The following ARID1B variants were observed in gnomAD, a reference collection of about 807,000 sequenced individuals.
ARID1B encodes the protein AT-rich interactive domain-containing protein 1B.
Under a neutral mutation model 212.3 loss-of-function variants are expected in ARID1B, and 30 were observed. That is an observed-to-expected ratio of 0.14 (90% CI 0.11 to 0.19). The LOEUF (loss-of-function observed/expected upper bound fraction) is 0.19, where lower values mean the gene tolerates loss of function less well. Among genes scored for constraint, ARID1B ranks in the 10% least tolerant of loss-of-function variants. The pLI is 1.00. For synonymous variants in ARID1B, 1,402 were observed against 1,301.7 expected (o/e 1.08, Z -1.66); for missense variants, 2,891 against 3,204.0 (o/e 0.90, Z 2.36).
At chr6:157,193,908 G>A (rs1793551945) in intron 15 of ARID1B, 1 of 152,198 alleles carries the variant, frequency 6.6e-6, no homozygotes, top group Non-Finnish European at 1.5e-5. Flanking sequence ...AGCAGGTAAA[G>A]CAGGTATTGG....
At chr6:156,924,964 C>T (rs1791102401) in intron 3 of ARID1B, among the ~76,000 whole-genome samples, 1 of 152,116 alleles carries the variant, frequency 6.6e-6, no homozygotes. Context: ...TAATTTTAGG[C>T]AACCATGTGG....
At chr6:157,037,620 T>C (rs1226536388) in intron 4 of ARID1B, among the ~76,000 whole-genome samples, 2 of 152,226 alleles carry the variant, frequency 1.3e-5, no homozygotes, top group Non-Finnish European at 2.9e-5. Flanking sequence ...GATCTGAGAC[T>C]GGAGAGGTTA....
chr6:157,114,462 T>C (rs1254948009), intron 6 of ARID1B, among the ~76,000 whole-genome samples: 3 of 139,874 alleles, frequency 2.1e-5, no homozygotes, highest in African/African-American at 8.3e-5. Context: ...AGGCGGACGT[T>C]GCCGTGAGCT....
At chr6:157,081,524 AC>A (rs1784630971) in intron 4 of ARID1B, among the ~76,000 whole-genome samples, 1 of 152,198 alleles carries the variant, frequency 6.6e-6, no homozygotes, top group Non-Finnish European at 1.5e-5. Flanking sequence ...TCTTTTTATT[AC>A]TCTTCTGTTA....
intron 3 of ARID1B, among the ~76,000 whole-genome samples, chr6:156,921,163 A>G (rs1435416507): frequency 3.3e-5 from 5 of 152,114 alleles, no homozygotes. Context: ...GGATGAATAT[A>G]TTAGTCACCT....
chr6:157,068,764 A>T (rs969297030), intron 4 of ARID1B, among the ~76,000 whole-genome samples: 1 of 152,208 alleles, frequency 6.6e-6, no homozygotes, highest in East Asian at 1.9e-4. Flanking sequence ...ACACGTGCGT[A>T]CACAGATGCA....
intron 2 of ARID1B, among the ~76,000 whole-genome samples, chr6:156,852,568 CT>C (rs1164504609): frequency 1.3e-5 from 2 of 152,048 alleles, no homozygotes; most frequent in East Asian, 3.9e-4. Flanking sequence ...ATTTTTCCCC[CT>C]CTGAGCCCCC....
intron 2 of ARID1B, among the ~76,000 whole-genome samples, chr6:156,887,888 C>G (rs534508524): frequency 2.0e-5 from 3 of 152,326 alleles, no homozygotes; most frequent in African/African-American, 7.2e-5. Context: ...TGAATGGTCT[C>G]GCTCCTCCTG....
At chr6:156,921,112 G>A (rs750609903) in intron 3 of ARID1B, among the ~76,000 whole-genome samples, 9 of 152,042 alleles carry the variant, frequency 5.9e-5, no homozygotes, top group Non-Finnish European at 1.3e-4. Flanking sequence ...TAGTTCTCAT[G>A]TCTGCTTTCC....
chr6:157,163,601 C>T (rs921416497), intron 8 of ARID1B, among the ~76,000 whole-genome samples: 5 of 152,194 alleles, frequency 3.3e-5, no homozygotes, highest in Non-Finnish European at 7.3e-5. Flanking sequence ...GTGGCCTGTG[C>T]TCCTGGGAGG....
chr6:156,788,352 A>T (rs1779786163), intron 1 of ARID1B, among the ~76,000 whole-genome samples: 2 of 152,122 alleles, frequency 1.3e-5, no homozygotes, highest in Non-Finnish European at 2.9e-5. Context: ...GCAGTTGTAT[A>T]AATTGGTTTT....
At chr6:157,151,512 C>T (rs1370176389) in intron 8 of ARID1B, 2 of 152,208 alleles carry the variant, frequency 1.3e-5, no homozygotes, top group Non-Finnish European at 2.9e-5. Context: ...AGATAATTTT[C>T]TGTCTAAACA....
At chr6:157,058,029 G>C (rs1288874777) in intron 4 of ARID1B, among the ~76,000 whole-genome samples, 1 of 152,140 alleles carries the variant, frequency 6.6e-6, no homozygotes, top group African/African-American at 2.4e-5. Flanking sequence ...GTGACTACAA[G>C]ATGAACTGTA....
At chr6:156,797,322 A>G (rs1002253996) in intron 1 of ARID1B, among the ~76,000 whole-genome samples, 3 of 152,228 alleles carry the variant, frequency 2.0e-5, no homozygotes, top group Non-Finnish European at 4.4e-5. Context: ...AAGGGAATTC[A>G]AAATAATGGA....
intron 7 of ARID1B, 123 bp downstream of exon 7, chr6:157,133,330 G>A (rs1330253053): frequency 6.2e-6 from 7 of 1,127,138 alleles, no homozygotes; most frequent in Non-Finnish European, 8.5e-6. Context: ...TACCTGACAG[G>A]TTTGTGAGGT....
intron 2 of ARID1B, among the ~76,000 whole-genome samples, chr6:156,896,974 G>A (rs894233878): frequency 6.6e-6 from 1 of 152,180 alleles, no homozygotes; most frequent in African/African-American, 2.4e-5. Flanking sequence ...AAAGTTCAGG[G>A]TATGGTGAAA....
At chr6:156,996,089 C>T (rs981246573) in intron 4 of ARID1B, among the ~76,000 whole-genome samples, 2 of 152,174 alleles carry the variant, frequency 1.3e-5, no homozygotes, top group African/African-American at 4.8e-5. Flanking sequence ...GTAGCAAATT[C>T]AAGCACTGTG....
chr6:156,836,273 C>A (rs555485936), intron 2 of ARID1B, among the ~76,000 whole-genome samples: 1 of 152,266 alleles, frequency 6.6e-6, no homozygotes, highest in Admixed American at 6.5e-5. Flanking sequence ...AAAATCCCCC[C>A]ACGGATGCCC....
intron 2 of ARID1B, among the ~76,000 whole-genome samples, chr6:156,867,376 G>C (rs1785777837): frequency 6.6e-6 from 1 of 152,176 alleles, no homozygotes; most frequent in Admixed American, 6.5e-5. Context: ...CAGGCTGAGT[G>C]CCGGAATCCA....
Sources: allele counts gnomAD v4.1 joint callset (sites outside exome capture counted in the v4.1 genomes callset), GRCh38; gene constraint gnomAD v4.1.1; transcripts MANE v1.5; gene names NCBI Gene and HGNC (gene_info 2026-07-23, HGNC 2026-07-21).